Variants in RIMS2 observed in about 807,000 individuals in gnomAD.
RIMS2 encodes the protein regulating synaptic membrane exocytosis protein 2.
Under a neutral mutation model 174.4 loss-of-function variants are expected in RIMS2, and 59 were observed. That is an observed-to-expected ratio of 0.34 (90% CI 0.27 to 0.42). The LOEUF (loss-of-function observed/expected upper bound fraction) is 0.42. Among genes scored for constraint, RIMS2 ranks in the 10% least tolerant of loss-of-function variants. The pLI is 1.00. For missense variants in RIMS2, 1,620 were observed against 1,666.3 expected (o/e 0.97, Z 0.48); for synonymous variants, 606 against 572.5 (o/e 1.06, Z -0.84).
At chr8:103,642,041 C>T (rs1050335464) in intron 1 of RIMS2, among the ~76,000 whole-genome samples, 14 of 152,110 alleles carry the variant, frequency 9.2e-5, no homozygotes, top group African/African-American at 2.7e-4. Flanking sequence ...AGACCATTCA[C>T]GTTTAAGGTG....
At chr8:103,792,019 G>A (rs1386085121) in intron 3 of RIMS2, among the ~76,000 whole-genome samples, 1 of 152,108 alleles carries the variant, frequency 6.6e-6, no homozygotes, top group East Asian at 1.9e-4. Context: ...CAACGAGACA[G>A]GAAGTTAACA....
chr8:104,137,518 G>A (rs1172033816), intron 19 of RIMS2, among the ~76,000 whole-genome samples: 1 of 152,112 alleles, frequency 6.6e-6, no homozygotes, highest in Non-Finnish European at 1.5e-5. Flanking sequence ...AACAAAAGAA[G>A]AAAAGTCTTT....
intron 19 of RIMS2, among the ~76,000 whole-genome samples, chr8:104,052,885 T>G (rs140111518): frequency 2.6e-5 from 4 of 152,026 alleles, no homozygotes; most frequent in African/African-American, 9.7e-5. Flanking sequence ...AGCAACACTT[T>G]GGGAAATGCA....
At chr8:103,721,471 A>C (rs765711388) in intron 2 of RIMS2, among the ~76,000 whole-genome samples, 1 of 152,346 alleles carries the variant, frequency 6.6e-6, no homozygotes, top group South Asian at 2.1e-4. Context: ...ATATTAATAA[A>C]GAGCATATGT....
intron 19 of RIMS2, among the ~76,000 whole-genome samples, chr8:104,235,898 T>C (rs1270904345): frequency 6.6e-6 from 1 of 152,086 alleles, no homozygotes; most frequent in Admixed American, 6.6e-5. Context: ...AAAATGTTTT[T>C]TAAAGCTTTT....
intron 2 of RIMS2, among the ~76,000 whole-genome samples, chr8:103,704,706 A>G (rs1176746963): frequency 6.6e-6 from 1 of 151,978 alleles, no homozygotes; most frequent in Non-Finnish European, 1.5e-5. Flanking sequence ...GGTAGGTTGT[A>G]TGTGTCTAGA....
chr8:103,806,084 G>A (rs2154459146), intron 3 of RIMS2, among the ~76,000 whole-genome samples: 1 of 152,146 alleles, frequency 6.6e-6, no homozygotes, highest in East Asian at 1.9e-4. Flanking sequence ...TCTGGAAAGT[G>A]GTAAGACAAC....
intron 19 of RIMS2, among the ~76,000 whole-genome samples, chr8:104,118,172 AATAG>A (rs919704128): frequency 6.6e-6 from 1 of 152,070 alleles, no homozygotes; most frequent in Non-Finnish European, 1.5e-5. Context: ...TGTTTATTAT[AATAG>A]ATAAAATATG....
intron 1 of RIMS2, among the ~76,000 whole-genome samples, chr8:103,661,656 G>T (rs75080795): frequency 6.6e-6 from 1 of 152,062 alleles, no homozygotes; most frequent in Non-Finnish European, 1.5e-5. Flanking sequence ...GGCACACGCC[G>T]CCACCCCTGG....
intron 1 of RIMS2, among the ~76,000 whole-genome samples, chr8:103,678,459 T>C (rs944466735): frequency 3.4e-4 from 52 of 152,138 alleles, no homozygotes; most frequent in African/African-American, 1.2e-3. Flanking sequence ...TACAGTGCTT[T>C]GATAATATTT....
At chr8:103,858,299 G>A (rs2099039064) in intron 3 of RIMS2, among the ~76,000 whole-genome samples, 2 of 152,066 alleles carry the variant, frequency 1.3e-5, no homozygotes, top group South Asian at 4.1e-4. Context: ...TCCCAGTCAT[G>A]TCTATCATAA....
At chr8:104,155,358 G>T (rs534722151) in intron 19 of RIMS2, among the ~76,000 whole-genome samples, 3 of 150,142 alleles carry the variant, frequency 2.0e-5, no homozygotes, top group Non-Finnish European at 4.4e-5. Flanking sequence ...TGCCCGCCTC[G>T]GCCTCCCAAA....
chr8:103,605,860 T>C (rs1450755424), intron 1 of RIMS2, among the ~76,000 whole-genome samples: 2 of 151,354 alleles, frequency 1.3e-5, no homozygotes, highest in African/African-American at 2.4e-5. Flanking sequence ...CCTTTATCAT[T>C]TTTTATTGCG....
chr8:103,605,563 T>C (rs1177883087), intron 1 of RIMS2, among the ~76,000 whole-genome samples: 13 of 151,738 alleles, frequency 8.6e-5, no homozygotes, highest in Admixed American at 8.5e-4. Flanking sequence ...TGGAATAGTT[T>C]CAGAAGGAAT....
intron 3 of RIMS2, among the ~76,000 whole-genome samples, chr8:103,852,128 T>C (rs1020965089): frequency 6.6e-6 from 1 of 152,014 alleles, no homozygotes; most frequent in Non-Finnish European, 1.5e-5. Context: ...AGGATTGTGA[T>C]TGCAACTTCC....
At chr8:103,634,049 TCTTCTGCTAG>T (rs575844302) in intron 1 of RIMS2, among the ~76,000 whole-genome samples, 4 of 152,216 alleles carry the variant, frequency 2.6e-5, no homozygotes, top group Non-Finnish European at 5.9e-5. Context: ...TTATTTCTCA[TCTTCTGCTAG>T]CTTTGGGGTT....
chr8:103,978,229 A>G (rs903592137), intron 16 of RIMS2, among the ~76,000 whole-genome samples: 2 of 152,206 alleles, frequency 1.3e-5, no homozygotes, highest in Non-Finnish European at 2.9e-5. Context: ...ACAGTCCAAT[A>G]GAAGATAGGA....
chr8:103,891,399 C>T (rs1296968250), intron 4 of RIMS2, among the ~76,000 whole-genome samples: 2 of 152,022 alleles, frequency 1.3e-5, no homozygotes, highest in African/African-American at 2.4e-5. Flanking sequence ...GTTTCAGTGG[C>T]GAATTAATAT....
intron 1 of RIMS2, among the ~76,000 whole-genome samples, chr8:103,546,029 T>C (rs1789975623): frequency 6.6e-6 from 1 of 152,072 alleles, no homozygotes; most frequent in South Asian, 2.1e-4. Context: ...CCTGCACATA[T>C]CAGTACTAAC....
Sources: gnomAD v4.1 joint callset for allele counts (sites outside exome capture counted in the v4.1 genomes callset) on GRCh38, gnomAD v4.1.1 for gene constraint, MANE v1.5 for transcripts, NCBI Gene and HGNC (gene_info 2026-07-23, HGNC 2026-07-21) for gene names.